PCDH11Y: variants seen among roughly 807,000 people sequenced by gnomAD.
PCDH11Y encodes protocadherin-11 Y-linked.
For synonymous variants in PCDH11Y, 9 were observed against 83.6 expected, an observed-to-expected ratio of 0.11 and a Z score of 4.87; for missense variants, 12 against 224.8, an observed-to-expected ratio of 0.05 and a Z score of 6.05.
chrY:5,506,734 T>G, intron 3 of PCDH11Y, among the ~76,000 whole-genome samples: 2 of 32,061 alleles, frequency 6.2e-5, no homozygotes, highest in African/African-American at 2.4e-4. Flanking sequence ...TAAGGAGTGA[T>G]GTTATCATTA....
chrY:5,254,131 A>T, intron 2 of PCDH11Y, among the ~76,000 whole-genome samples: 1 of 33,550 alleles, frequency 3.0e-5, no homozygotes, highest in Admixed American at 2.7e-4. Context: ...CCAGATATGA[A>T]AGACTACCAC....
chrY:5,430,688 A>T, intron 2 of PCDH11Y, among the ~76,000 whole-genome samples: 1 of 33,541 alleles, frequency 3.0e-5, no homozygotes, highest in African/African-American at 1.2e-4. Flanking sequence ...ATTAGTTTAG[A>T]AATTTAATTA....
intron 2 of PCDH11Y, among the ~76,000 whole-genome samples, chrY:5,331,318 A>G (rs2124667578): frequency 5.9e-5 from 2 of 33,700 alleles, no homozygotes; most frequent in South Asian, 6.6e-4. Flanking sequence ...AGGCCATCCA[A>G]TCATCTAAAT....
intron 1 of PCDH11Y, among the ~76,000 whole-genome samples, chrY:5,067,207 C>G (rs2124629922): frequency 6.2e-5 from 2 of 32,149 alleles, no homozygotes; most frequent in South Asian, 1.4e-3. Context: ...ATAGCTAGAG[C>G]TCTCACACAG....
chrY:5,564,860 A>G, intron 3 of PCDH11Y, among the ~76,000 whole-genome samples: 1 of 32,317 alleles, frequency 3.1e-5, no homozygotes, highest in South Asian at 7.0e-4. Context: ...GCTATGTCCT[A>G]CTAATATCAT....
chrY:5,679,782 C>G, intron 4 of PCDH11Y, among the ~76,000 whole-genome samples: 1 of 31,298 alleles, frequency 3.2e-5, no homozygotes, highest in African/African-American at 1.3e-4. Context: ...CTAGACCTGA[C>G]AGCAGTCACC....
chrY:5,687,470 G>A, intron 4 of PCDH11Y, among the ~76,000 whole-genome samples: 1 of 31,237 alleles, frequency 3.2e-5, no homozygotes, highest in South Asian at 7.6e-4. Flanking sequence ...CCGGCGTGGT[G>A]GCGGGCGCTT....
At chrY:5,166,134 A>G in intron 2 of PCDH11Y, among the ~76,000 whole-genome samples, 1 of 32,954 alleles carries the variant, frequency 3.0e-5, no homozygotes, top group South Asian at 6.8e-4. Flanking sequence ...TAAAGGAAAT[A>G]TAACACTAAT....
intron 2 of PCDH11Y, among the ~76,000 whole-genome samples, chrY:5,495,054 G>GA (rs1377629071): frequency 1.8e-3 from 29 of 16,094 alleles, no homozygotes; most frequent in African/African-American, 3.2e-3. Flanking sequence ...CTCGAAAAAA[G>GA]AAAAAAAAAA....
At chrY:5,488,931 A>C in intron 2 of PCDH11Y, among the ~76,000 whole-genome samples, 1 of 31,946 alleles carries the variant, frequency 3.1e-5, no homozygotes, top group East Asian at 8.3e-4. Flanking sequence ...TTAAGCACAA[A>C]TCTCTTTTAG....
At chrY:5,254,625 C>T (rs2053007874) in intron 2 of PCDH11Y, among the ~76,000 whole-genome samples, 1 of 33,050 alleles carries the variant, frequency 3.0e-5, no homozygotes, top group African/African-American at 1.2e-4. Flanking sequence ...CAGGTTCAAG[C>T]GATTCTCCTC....
At chrY:5,052,293 CAT>C (rs2052653883), upstream of PCDH11Y, among the ~76,000 whole-genome samples, 1 of 33,175 alleles carries the variant, frequency 3.0e-5, no homozygotes, top group Non-Finnish European at 7.4e-5. Context: ...ACCATTCACT[CAT>C]GTGTTTGTTG....
chrY:5,355,719 C>T, intron 2 of PCDH11Y, among the ~76,000 whole-genome samples: 8 of 33,199 alleles, frequency 2.4e-4, no homozygotes, highest in African/African-American at 9.4e-4. Context: ...TCATGATATA[C>T]ACTTGAATGT....
At chrY:5,502,858 A>G in intron 3 of PCDH11Y, among the ~76,000 whole-genome samples, 1 of 33,088 alleles carries the variant, frequency 3.0e-5, no homozygotes. Context: ...TTGCATAGCA[A>G]CAATTAAAGA....
chrY:5,506,052 G>A, intron 3 of PCDH11Y, among the ~76,000 whole-genome samples: 1 of 31,511 alleles, frequency 3.2e-5, no homozygotes, highest in Non-Finnish European at 7.8e-5. Flanking sequence ...TTAAAACTCA[G>A]CCTTTCATAA....
intron 2 of PCDH11Y, among the ~76,000 whole-genome samples, chrY:5,282,773 G>A: frequency 3.0e-5 from 1 of 33,219 alleles, no homozygotes; most frequent in Admixed American, 2.8e-4. Context: ...AAAGAGGAAG[G>A]ACTGGTGGTG....
chrY:5,126,168 ACT>A (rs2052825450), intron 2 of PCDH11Y, among the ~76,000 whole-genome samples: 1 of 32,421 alleles, frequency 3.1e-5, no homozygotes, highest in Non-Finnish European at 7.6e-5. Flanking sequence ...AGATGGTAAA[ACT>A]CTAATTCCTT....
At chrY:5,622,860 C>T (rs2053501916) in intron 4 of PCDH11Y, among the ~76,000 whole-genome samples, 1 of 32,572 alleles carries the variant, frequency 3.1e-5, no homozygotes, top group African/African-American at 1.2e-4. Context: ...ACAATGAGAA[C>T]ACGTGGACAC....
chrY:5,410,945 T>C, intron 2 of PCDH11Y, among the ~76,000 whole-genome samples: 1 of 29,589 alleles, frequency 3.4e-5, no homozygotes, highest in East Asian at 9.0e-4. Flanking sequence ...TTGATGGGTG[T>C]TTAGGTAGTT....
Sources: allele counts gnomAD v4.1 joint callset (sites outside exome capture counted in the v4.1 genomes callset), GRCh38; gene constraint gnomAD v4.1.1; transcripts MANE v1.5; gene names NCBI Gene and HGNC (gene_info 2026-07-23, HGNC 2026-07-21).